Variants in AGAP2 observed in about 807,000 individuals in gnomAD.
AGAP2 encodes the protein ArfGAP with GTPase domain, ankyrin repeat and PH domain 2, also known as arf-GAP with GTPase, ANK repeat and PH domain-containing protein 2.
AGAP2 carries 32 observed loss-of-function variants against 110.9 expected under a neutral mutation model. The observed-to-expected ratio is 0.29, with a 90% CI of 0.22 to 0.39. The LOEUF is 0.39. Among genes scored for constraint, AGAP2 ranks in the 10% least tolerant of loss-of-function variants. AGAP2 has a pLI of 1.00. For missense variants in AGAP2, 1,285 were observed against 1,638.5 expected, an observed-to-expected ratio of 0.78 and a Z score of 3.72; for synonymous variants, 702 against 713.0, an observed-to-expected ratio of 0.98 and a Z score of 0.25.
chr12:57,736,321 C>T (rs1054458536), intron 1 of AGAP2, among the ~76,000 whole-genome samples: 15 of 152,176 alleles, frequency 9.9e-5, no homozygotes, highest in African/African-American at 3.6e-4. Flanking sequence ...TAATAGACAC[C>T]CTGCCCCCGT....
Position 57,732,929 on chromosome 12 carries a change from C to A in AGAP2, c.1600G>T (p.Ala534Ser). Reference protein sequence around the residue: ...PRVVGDARARALCADMKRCSY... With the variant: ...PRVVGDARARSLCADMKRCSY... ...CAGCGTTTCATGTCCGCGCACAGAG[C>A]TCTGGCACGAGCATCTCCCACCACC... Residue 534 changes from alanine (A) to serine (S), a missense_variant, in exon 6 of 19, where the codon GCT becomes TCT. Physicochemically the swap from Ala to Ser is moderately conservative, Grantham distance 99. Coordinates refer to ENST00000547588, the MANE Select transcript of AGAP2 (RefSeq NM_001122772.3). The A allele has an allele frequency of 6.2e-7, 1 of 1,614,134 alleles. No homozygotes were observed. Among genetic ancestry groups the A allele is most frequent in the Non-Finnish European group, 8.5e-7 (1 of 1,180,042 alleles).
At chr12:57,735,254 G>T in intron 2 of AGAP2, 115 bp downstream of exon 2, 3 of 1,025,450 alleles carry the variant, frequency 2.9e-6, no homozygotes, top group Non-Finnish European at 4.4e-6. Flanking sequence ...ACTGGAAAAC[G>T]ATTCCCTATT....
rs755112486 is a variant in AGAP2 at position 57,727,161 on chromosome 12, G to A, written c.3149C>T (p.Ser1050Leu). Reference protein sequence around the residue: ...QLLFLAPLSTSEEPLGRQLWA... With the variant: ...QLLFLAPLSTLEEPLGRQLWA... The stretch of plus-strand genomic sequence containing the variant: ...CAGCTGGCGGCCCAGCGGCTCCTCC[G>A]AGGTGCTCAGCGGCGCCAGGAACAG... The change falls in exon 18 of 19, where the codon TCG becomes TTG. Residue 1050 changes from serine to leucine, a missense_variant. Ser to Leu is a moderately radical substitution (Grantham distance 145). Around this residue, in one of 7 missense-constraint regions of AGAP2, gnomAD observed 201 missense variants for 276.1 expected, o/e 0.73. Coordinates refer to ENST00000547588, the MANE Select transcript of AGAP2 (RefSeq NM_001122772.3). 3.2e-5 allele frequency: 52 copies of A among 1,607,800 alleles called. No homozygotes were observed. The highest frequency in any genetic ancestry group is 4.3e-5 in the Non-Finnish European group (51 of 1,178,176).
intron 14 of AGAP2, 84 bp from the exon 15 acceptor site, chr12:57,728,169 A>AT (rs1954809840): frequency 2.4e-5 from 37 of 1,536,580 alleles, no homozygotes; most frequent in Non-Finnish European, 3.2e-5. Flanking sequence ...CCTGATGTCC[A>AT]TCCCGAGCCC....
chr12:57,726,707 T>C lies in AGAP2; in HGVS notation c.3424A>G (p.Ile1142Val), dbSNP rs1954770359. The C allele has an allele frequency of 8.0e-7, 1 of 1,251,924 alleles. No individual in the cohort carries two copies. The highest frequency in any genetic ancestry group is 1.0e-6 in the Non-Finnish European group (1 of 998,072). 77.6% of individuals were successfully genotyped at this position (1,251,924 alleles called of 1,614,324 possible). A position where few individuals can be genotyped will look rare whatever the true frequency, so the allele number is the denominator to read the frequency against. The part of the protein sequence containing the change: ...RQAGSQLCAD[I>V]LLQHGCPGEG... ...CCCGGGCAGCCGTGCTGGAGAAGGA[T>C]GTCGGCGCACAGCTGGCTTCCAGCC... Residue 1142 changes from isoleucine (I) to valine (V), a missense_variant, in exon 19 of 19, where the codon ATC becomes GTC. By Grantham distance (29) the Ile-to-Val change is conservative. Coordinates refer to ENST00000547588, the MANE Select transcript of AGAP2 (RefSeq NM_001122772.3). This position sits in a 1 kb window ranked among gnomAD's most constrained non-coding sequence, Gnocchi z 5.7.
intron 2 of AGAP2, among the ~76,000 whole-genome samples, chr12:57,735,065 C>G (rs1368271737): frequency 1.3e-5 from 2 of 150,726 alleles, no homozygotes; most frequent in African/African-American, 4.9e-5. Flanking sequence ...AAAACTTTAC[C>G]CAATTCTAGG....
chr12:57,726,611 G>C lies in AGAP2; in HGVS notation c.3520C>G (p.Arg1174Gly), dbSNP rs768941136. ...TPSITATPSPRRRSSAASVGR... is the reference protein window; with the variant it reads ...TPSITATPSPGRRSSAASVGR... ...ACGCTAGCGGCGCTGCTCCGGCGGCGGGGGCTGGGCGTGGCGGTGATGCTG... is the reference window on the plus strand; with the variant it reads ...ACGCTAGCGGCGCTGCTCCGGCGGCCGGGGCTGGGCGTGGCGGTGATGCTG... Residue 1174 changes from arginine to glycine, a missense_variant, in exon 19 of 19, where the codon CGC becomes GGC. Transcript: ENST00000547588. The surrounding 1 kb of genome is among the most constrained non-coding windows in gnomAD (Gnocchi z 5.7). 1.7e-6 allele frequency: 2 copies of C among 1,200,652 alleles called. No individual in the cohort carries two copies. The highest frequency in any genetic ancestry group is 2.1e-6 in the Non-Finnish European group (2 of 967,984). 74.4% of individuals were successfully genotyped at this position (1,200,652 alleles called of 1,614,324 possible). A position where few individuals can be genotyped will look rare whatever the true frequency, so the allele number is the denominator to read the frequency against.
chr12:57,739,146 C>G (rs1392038332), upstream of AGAP2, among the ~76,000 whole-genome samples: 1 of 151,982 alleles, frequency 6.6e-6, no homozygotes, highest in East Asian at 1.9e-4. Context: ...TCTCGCGCAC[C>G]AAGGTTAGGA....
At chr12:57,738,789 G>A (rs1955039140), upstream of AGAP2, among the ~76,000 whole-genome samples, 1 of 151,622 alleles carries the variant, frequency 6.6e-6, no homozygotes, top group African/African-American at 2.4e-5. The surrounding 1 kb of genome is among the most constrained non-coding windows in gnomAD (Gnocchi z 6.7). Flanking sequence ...GAGGATGCTG[G>A]GGATGGAGAT....
Position 57,731,358 on chromosome 12 carries a change from C to T in AGAP2, c.2145+8G>A. Reference sequence around the variant, plus strand: ...GCTGGCCAATGTGGCCCAGTCTCTGCCACTCACGTTAATACTGGGGTGGTA... The same window carrying T: ...GCTGGCCAATGTGGCCCAGTCTCTGTCACTCACGTTAATACTGGGGTGGTA... On this transcript the variant is annotated splice_region_variant and intron_variant, in intron 10 of 18. Transcript: ENST00000547588. 6.2e-7 allele frequency: 1 copy of T among 1,609,468 alleles called. No homozygotes were observed. Among genetic ancestry groups the T allele is most frequent in the Non-Finnish European group, 8.5e-7 (1 of 1,175,770 alleles).
chr12:57,732,331 G>C lies in AGAP2; in HGVS notation c.1794+72C>G. The C allele has an allele frequency of 7.8e-6, 11 of 1,401,916 alleles. No homozygotes were observed. The South Asian group carries it at 1.4e-4, about 18-fold the overall frequency. The allele number at this position is 1,401,916 out of a possible 1,614,324, so 86.8% of individuals were successfully genotyped here. On this transcript the variant is annotated intron_variant, in intron 7 of 18. Transcript: ENST00000547588. The stretch of plus-strand genomic sequence containing the variant: ...CTCCCTGAACCTCCTTGGGTACTCT[G>C]TACCTGTCCTAGGATCCCCAGCCCC...
In AGAP2 at chr12:57,726,002, G is replaced by T. The variant is rs1954755312; in HGVS notation, c.*550C>A. 6.6e-6 allele frequency: 1 copy of T among 152,066 alleles called. No individual in the cohort carries two copies. The highest frequency in any genetic ancestry group is 1.5e-5 in the Non-Finnish European group (1 of 68,058). The allele number at this position is 152,066 out of a possible 1,614,324, so 9.4% of individuals were successfully genotyped here. ...AACCCCCACCCCCATGAGCAGCAGGGGTCCTGCCCCTCGCTGCCCTTGCCC... is the reference window on the plus strand; with the variant it reads ...AACCCCCACCCCCATGAGCAGCAGGTGTCCTGCCCCTCGCTGCCCTTGCCC... On this transcript the variant is annotated 3_prime_UTR_variant, in exon 19 of 19. Transcript: ENST00000547588. The surrounding 1 kb of genome is among the most constrained non-coding windows in gnomAD (Gnocchi z 5.7).
intron 16 of AGAP2, 27 bp downstream of exon 16, chr12:57,727,654 G>A: frequency 1.3e-6 from 2 of 1,595,464 alleles, no homozygotes; most frequent in Non-Finnish European, 1.7e-6. Flanking sequence ...ACACTCCCTA[G>A]CCCCTCCGCT....
In AGAP2 at chr12:57,737,986, G is replaced by GC; in HGVS notation, c.260dup (p.Ala88ArgfsTer121). 6.9e-7 allele frequency: 1 copy of GC among 1,446,910 alleles called. No homozygotes were observed. Among genetic ancestry groups the GC allele is most frequent in the Non-Finnish European group, 9.0e-7 (1 of 1,106,952 alleles). The allele number at this position is 1,446,910 out of a possible 1,614,324, so 89.6% of individuals were successfully genotyped here. On this transcript the variant is annotated frameshift_variant, in exon 1 of 19. Coordinates refer to ENST00000547588, the MANE Select transcript of AGAP2 (RefSeq NM_001122772.3). LOFTEE classifies it high-confidence loss of function. This position sits in a 1 kb window ranked among gnomAD's most constrained non-coding sequence, Gnocchi z 5.9. ...CCGGGGACAGGGCTGGGGGCTCCGC[G>GC]CCCCCGGTGCCCGCGCTGCTCGTGC...
At chr12:57,742,049 A>G, upstream of AGAP2, 1 of 1,614,038 alleles carries the variant, frequency 6.2e-7, no homozygotes, top group Non-Finnish European at 8.5e-7. Flanking sequence ...TGCAGCTACA[A>G]CGAACTGCCT....
At chr12:57,739,006 C>A (rs58638984), upstream of AGAP2, among the ~76,000 whole-genome samples, 2,909 of 149,384 alleles carry the variant, frequency 0.019, 90 homozygotes, top group African/African-American at 0.066. Flanking sequence ...CTATCTCCCC[C>A]CCACCTTTTC....
Position 57,737,966 on chromosome 12 carries a change from G to A in AGAP2, c.281C>T (p.Ser94Phe). 7 of 1,412,832 alleles carry A rather than the reference G, an allele frequency of 5.0e-6. No individual in the cohort carries two copies. Among genetic ancestry groups the A allele is most frequent in the Non-Finnish European group, 6.4e-6 (7 of 1,093,186 alleles). 87.5% of individuals were successfully genotyped at this position (1,412,832 alleles called of 1,614,324 possible). A position where few individuals can be genotyped will look rare whatever the true frequency, so the allele number is the denominator to read the frequency against. The change falls in exon 1 of 19, where the codon TCC becomes TTC. Residue 94 changes from serine (S) to phenylalanine (F), a missense_variant. Ser to Phe is a radical substitution (Grantham distance 155). Transcript: ENST00000547588. The surrounding 1 kb of genome is among the most constrained non-coding windows in gnomAD (Gnocchi z 5.9). Reference protein sequence around the residue: ...GTGGAEPPALSPAPASPARPV... With the variant: ...GTGGAEPPALFPAPASPARPV... ...GCGGGCCGGACTGGCCGGAGCCGGG[G>A]ACAGGGCTGGGGGCTCCGCGCCCCC...
Position 57,731,867 on chromosome 12 carries a change from C to A in AGAP2, c.1895G>T (p.Gly632Val), listed in dbSNP as rs918419040. 2 of 1,607,446 alleles carry A rather than the reference C, an allele frequency of 1.2e-6. No homozygotes were observed. The highest frequency in any genetic ancestry group is 1.7e-5 in the Admixed American group (1 of 58,870). ...ELRAEAAAVA[G>V]LSTPGSLHRA... ...GTGCAGGGACCCTGGGGTGCTCAAT[C>A]CAGCCACTGCAGCTGCCTCGGCTCG... Residue 632 changes from glycine (G) to valine (V), a missense_variant, in exon 8 of 19, where the codon GGA becomes GTA. Gly to Val is a moderately radical substitution (Grantham distance 109). This residue lies in a region of AGAP2 where 844 missense variants were observed against 941.2 expected (regional missense o/e 0.90). Coordinates refer to ENST00000547588, the MANE Select transcript of AGAP2 (RefSeq NM_001122772.3).
In AGAP2 at chr12:57,726,857, C is replaced by G. The variant is rs1954774689; in HGVS notation, c.3337-63G>C. The G allele has an allele frequency of 6.9e-7, 1 of 1,440,834 alleles. No individual in the cohort carries two copies. Among genetic ancestry groups the G allele is most frequent in the Non-Finnish European group, 9.1e-7 (1 of 1,102,398 alleles). 89.3% of individuals were successfully genotyped at this position (1,440,834 alleles called of 1,614,324 possible). On this transcript the variant is annotated intron_variant, in intron 18 of 18. Transcript: ENST00000547588. The surrounding 1 kb of genome is among the most constrained non-coding windows in gnomAD (Gnocchi z 5.7). Reference sequence around the variant, plus strand: ...AGGGCGCCCACACCCGGCGCCGCCTCCCCCACATGGCCAAGCCTACTTCCG... The same window carrying G: ...AGGGCGCCCACACCCGGCGCCGCCTGCCCCACATGGCCAAGCCTACTTCCG...
Sources: gnomAD v4.1 joint callset for allele counts (sites outside exome capture counted in the v4.1 genomes callset) on GRCh38, gnomAD v4.1.1 for gene constraint, gnomAD v4.1.1 regional missense constraint, Gnocchi (gnomAD v3.1) non-coding constraint, MANE v1.5 for transcripts, NCBI Gene and HGNC (gene_info 2026-07-23, HGNC 2026-07-21) for gene names.